Variants in CDH12 observed in about 807,000 individuals in gnomAD.
CDH12 encodes cadherin-12.
CDH12 carries 41 observed loss-of-function variants against 74.1 expected under a neutral mutation model. The observed-to-expected ratio is 0.55, with a 90% CI of 0.43 to 0.72. The LOEUF is 0.72. CDH12 is among the 30% of genes least tolerant of loss of function. The pLI is 0.00. For synonymous variants in CDH12, 399 were observed against 355.0 expected (o/e 1.12, Z -1.39); for missense variants, 945 against 977.2 (o/e 0.97, Z 0.44).
chr5:22,631,805 T>C (rs150813182), intron 1 of CDH12, among the ~76,000 whole-genome samples: 10 of 152,218 alleles, frequency 6.6e-5, no homozygotes, highest in African/African-American at 2.4e-4. Context: ...TTTACATGAC[T>C]GGAGCAGGAC....
intron 6 of CDH12, among the ~76,000 whole-genome samples, chr5:21,954,637 C>T (rs1756012037): frequency 1.3e-5 from 2 of 152,052 alleles, no homozygotes; most frequent in East Asian, 1.9e-4. Context: ...ATCAGAGCAT[C>T]TGCCTACTTA....
chr5:22,331,287 AG>A (rs1402674824), intron 3 of CDH12, among the ~76,000 whole-genome samples: 1 of 152,218 alleles, frequency 6.6e-6, no homozygotes, highest in Non-Finnish European at 1.5e-5. Context: ...TGCTAGATTC[AG>A]GGCTGACTCA....
chr5:22,334,412 T>A (rs1377712370), intron 3 of CDH12, among the ~76,000 whole-genome samples: 1 of 151,916 alleles, frequency 6.6e-6, no homozygotes, highest in East Asian at 1.9e-4. Flanking sequence ...ACCAATATTG[T>A]TACAATGTCC....
intron 1 of CDH12, among the ~76,000 whole-genome samples, chr5:22,622,409 C>T (rs1421837542): frequency 6.6e-6 from 1 of 152,082 alleles, no homozygotes; most frequent in Non-Finnish European, 1.5e-5. Flanking sequence ...GAACCCTGCA[C>T]AGGGCAGCAA....
In CDH12 at chr5:22,147,266, A is replaced by G. The variant is rs1580321823; in HGVS notation, c.-187+65232T>C. Among the ~76,000 whole-genome samples the G allele has an allele frequency of 2.0e-5, 3 of 152,248 alleles. No individual in the cohort carries two copies. In the South Asian group the frequency reaches 6.2e-4, roughly 32 times the overall value. The stretch of plus-strand genomic sequence containing the variant: ...TTTTCGTTTTTATCTTGAGGATCAC[A>G]TTGGGCATTTGTCTCTGACTTTTCA... On this transcript the variant is annotated intron_variant, in intron 4 of 14. Transcript: ENST00000382254.
At chr5:22,359,557 A>T (rs997661267) in intron 3 of CDH12, among the ~76,000 whole-genome samples, 1 of 152,152 alleles carries the variant, frequency 6.6e-6, no homozygotes, top group Non-Finnish European at 1.5e-5. Context: ...CAGGAATTGA[A>T]CTCGGCTCTG....
chr5:21,788,019 A>T (rs1156798785), intron 10 of CDH12, among the ~76,000 whole-genome samples: 1 of 152,160 alleles, frequency 6.6e-6, no homozygotes, highest in African/African-American at 2.4e-5. Flanking sequence ...CACTGTGTTC[A>T]ATTTTTCAAT....
intron 4 of CDH12, among the ~76,000 whole-genome samples, chr5:22,087,571 G>C (rs1743153587): frequency 1.3e-5 from 2 of 152,084 alleles, no homozygotes; most frequent in African/African-American, 4.8e-5. Flanking sequence ...AACCCAGAAA[G>C]CAAAGGTTGC....
chr5:21,863,161 G>A (rs1342051238), intron 6 of CDH12, among the ~76,000 whole-genome samples: 1 of 152,126 alleles, frequency 6.6e-6, no homozygotes, highest in African/African-American at 2.4e-5. Context: ...GTGCCTTGTA[G>A]ATTAGATTCC....
intron 1 of CDH12, among the ~76,000 whole-genome samples, chr5:22,613,587 C>T (rs268968): frequency 0.56 from 84,925 of 151,896 alleles, 24,078 homozygotes; most frequent in East Asian, 0.68. Flanking sequence ...AGATTTTCGA[C>T]TGCCAAAACA....
At chr5:22,064,990 G>A (rs1741459763) in intron 5 of CDH12, among the ~76,000 whole-genome samples, 1 of 152,214 alleles carries the variant, frequency 6.6e-6, no homozygotes, top group Admixed American at 6.5e-5. Flanking sequence ...GCTGGAATGA[G>A]CATGTTTGGG....
chr5:22,478,288 G>T (rs1233829936), intron 2 of CDH12, among the ~76,000 whole-genome samples: 1 of 151,406 alleles, frequency 6.6e-6, no homozygotes, highest in Non-Finnish European at 1.5e-5. Flanking sequence ...CGAGGTGGCG[G>T]GCGCCTGTAG....
chr5:22,023,721 C>A (rs1312026745), intron 5 of CDH12, among the ~76,000 whole-genome samples: 1 of 152,074 alleles, frequency 6.6e-6, no homozygotes, highest in Admixed American at 6.6e-5. Context: ...TATATTAAAA[C>A]AAGCTTGGGT....
intron 4 of CDH12, among the ~76,000 whole-genome samples, chr5:22,190,189 T>C (rs547265255): frequency 1.3e-5 from 2 of 152,226 alleles, no homozygotes; most frequent in African/African-American, 2.4e-5. Flanking sequence ...AGGTAGTGAG[T>C]ATTAAAAGCA....
chr5:22,706,603 T>C (rs1256415028), intron 1 of CDH12, among the ~76,000 whole-genome samples: 2 of 152,026 alleles, frequency 1.3e-5, no homozygotes, highest in Non-Finnish European at 2.9e-5. Context: ...AATTAGAGAG[T>C]ATATAATATT....
intron 1 of CDH12, among the ~76,000 whole-genome samples, chr5:22,809,137 A>G (rs1748984766): frequency 6.6e-6 from 1 of 151,976 alleles, no homozygotes; most frequent in South Asian, 2.1e-4. Context: ...CTACAGTTAC[A>G]TCATTTGAGT....
chr5:21,994,277 T>A (rs1173232183), intron 5 of CDH12, among the ~76,000 whole-genome samples: 2 of 150,972 alleles, frequency 1.3e-5, no homozygotes, highest in Non-Finnish European at 2.9e-5. Flanking sequence ...AAATAGAGAC[T>A]ACACACAAAG....
At chr5:22,687,878 G>A (rs927186615) in intron 1 of CDH12, among the ~76,000 whole-genome samples, 1 of 152,124 alleles carries the variant, frequency 6.6e-6, no homozygotes. Context: ...AAAAAGAACA[G>A]CAAATACAGA....
chr5:22,331,087 TAAC>T (rs1739331464), intron 3 of CDH12, among the ~76,000 whole-genome samples: 1 of 152,036 alleles, frequency 6.6e-6, no homozygotes, highest in Non-Finnish European at 1.5e-5. Flanking sequence ...GGGGAAAAAA[TAAC>T]AAGACTGGCT....
Sources: allele counts gnomAD v4.1 joint callset (sites outside exome capture counted in the v4.1 genomes callset), GRCh38; gene constraint gnomAD v4.1.1; transcripts MANE v1.5; gene names NCBI Gene and HGNC (gene_info 2026-07-23, HGNC 2026-07-21).